Variants in LOC128462377 observed in about 807,000 individuals in gnomAD.
chr16:89,413,502 A>G, the LOC128462377 span, among the ~76,000 whole-genome samples: 1 of 152,068 alleles, frequency 6.6e-6, no homozygotes, highest in Non-Finnish European at 1.5e-5. Context: ...GCGGGCACCT[A>G]TAGTCCCAGC....
chr16:89,414,794 G>A, the LOC128462377 span, among the ~76,000 whole-genome samples: 8 of 152,176 alleles, frequency 5.3e-5, no homozygotes, highest in African/African-American at 1.9e-4. Flanking sequence ...CCTAAGTCAC[G>A]CCCAGATGGG....
chr16:89,401,682 A>G, the LOC128462377 span, among the ~76,000 whole-genome samples: 2 of 152,098 alleles, frequency 1.3e-5, no homozygotes, highest in African/African-American at 4.8e-5. Context: ...CCTGGGAAAC[A>G]TGGTCTTTGC....
At chr16:89,392,916 C>A in the LOC128462377 span, among the ~76,000 whole-genome samples, 1 of 151,960 alleles carries the variant, frequency 6.6e-6, no homozygotes, top group African/African-American at 2.4e-5. Context: ...ACCTTGGGAC[C>A]TGCCTGCATC....
the LOC128462377 span, among the ~76,000 whole-genome samples, chr16:89,355,629 T>C: frequency 1.7e-4 from 26 of 152,038 alleles, no homozygotes; most frequent in African/African-American, 5.5e-4. Flanking sequence ...ATCGCCAGGA[T>C]CAAAAGAAGG....
At chr16:89,390,472 GA>G in the LOC128462377 span, among the ~76,000 whole-genome samples, 1 of 152,084 alleles carries the variant, frequency 6.6e-6, no homozygotes, top group Non-Finnish European at 1.5e-5. Context: ...GTGGAGGGCA[GA>G]AAAAAATACG....
the LOC128462377 span, among the ~76,000 whole-genome samples, chr16:89,383,500 G>A: frequency 2.0e-5 from 3 of 152,364 alleles, no homozygotes; most frequent in East Asian, 1.9e-4. Context: ...TCGGGGCCAT[G>A]TCCAGTGGAC....
At chr16:89,322,651 C>T in the LOC128462377 span, among the ~76,000 whole-genome samples, 40 of 152,258 alleles carry the variant, frequency 2.6e-4, no homozygotes, top group Non-Finnish European at 5.0e-4. Context: ...ACACCAAAGG[C>T]CTGTTTGCCT....
At chr16:89,337,731 T>G in the LOC128462377 span, among the ~76,000 whole-genome samples, 1 of 152,184 alleles carries the variant, frequency 6.6e-6, no homozygotes, top group Non-Finnish European at 1.5e-5. Flanking sequence ...TAAGCCACTG[T>G]GCCCGGCCTG....
chr16:89,356,112 T>C, the LOC128462377 span, among the ~76,000 whole-genome samples: 2 of 152,218 alleles, frequency 1.3e-5, no homozygotes, highest in African/African-American at 2.4e-5. Context: ...TGGAAAACCT[T>C]AGTTACTATG....
chr16:89,354,677 T>C, the LOC128462377 span, among the ~76,000 whole-genome samples: 114 of 151,584 alleles, frequency 7.5e-4, no homozygotes, highest in Non-Finnish European at 1.2e-3. Flanking sequence ...AAGTCAGGAG[T>C]TCAAGACCAG....
At chr16:89,324,213 C>T in the LOC128462377 span, 2 of 1,194,016 alleles carry the variant, frequency 1.7e-6, no homozygotes, top group African/African-American at 1.6e-5. Flanking sequence ...TTCAGCATTA[C>T]TGGCCTCTGC....
At chr16:89,358,296 C>T in the LOC128462377 span, among the ~76,000 whole-genome samples, 9 of 152,248 alleles carry the variant, frequency 5.9e-5, no homozygotes, top group African/African-American at 2.2e-4. Context: ...TGTTCCTTCC[C>T]TTCTGTTGGC....
chr16:89,345,494 A>ACCAGGCCCTCCAGTGGCC, the LOC128462377 span, among the ~76,000 whole-genome samples: 1 of 152,318 alleles, frequency 6.6e-6, no homozygotes, highest in African/African-American at 2.4e-5. Flanking sequence ...GGAGGCAGAG[A>ACCAGGCCCTCCAGTGGCC]CCAGGCCCTC....
chr16:89,378,829 A>C, the LOC128462377 span, among the ~76,000 whole-genome samples: 1 of 151,932 alleles, frequency 6.6e-6, no homozygotes, highest in Admixed American at 6.6e-5. Context: ...TGTGGTTTAA[A>C]ACTCTTTTAT....
chr16:89,333,790 A>C, the LOC128462377 span, among the ~76,000 whole-genome samples: 1 of 152,182 alleles, frequency 6.6e-6, no homozygotes, highest in South Asian at 2.1e-4. Flanking sequence ...CCATTTTGTG[A>C]AAGTGAAATA....
At chr16:89,337,184 TCAAAAAA>T in the LOC128462377 span, among the ~76,000 whole-genome samples, 17 of 151,852 alleles carry the variant, frequency 1.1e-4, no homozygotes, top group South Asian at 6.2e-4. Context: ...AGACCCTGTC[TCAAAAAA>T]CAAAAAACAA....
the LOC128462377 span, among the ~76,000 whole-genome samples, chr16:89,354,138 A>G: frequency 6.6e-6 from 1 of 152,094 alleles, no homozygotes; most frequent in Non-Finnish European, 1.5e-5. Flanking sequence ...GCTTCTAAAT[A>G]ATGCACTGCA....
the LOC128462377 span, among the ~76,000 whole-genome samples, chr16:89,396,304 A>G: frequency 6.6e-6 from 1 of 152,160 alleles, no homozygotes; most frequent in African/African-American, 2.4e-5. Context: ...TTGGGTGCAC[A>G]CTGTGTGCTG....
At chr16:89,372,315 C>G in the LOC128462377 span, among the ~76,000 whole-genome samples, 1 of 152,168 alleles carries the variant, frequency 6.6e-6, no homozygotes, top group African/African-American at 2.4e-5. Context: ...GCGGCAGCGC[C>G]CAGCGACGGA....
Sources: allele counts gnomAD v4.1 joint callset (sites outside exome capture counted in the v4.1 genomes callset), GRCh38; gene constraint gnomAD v4.1.1; transcripts MANE v1.5.